Variants in PRDM16 observed in about 807,000 individuals in gnomAD.
PRDM16 encodes PR/SET domain 16, also known as histone-lysine N-methyltransferase PRDM16.
PRDM16 carries 23 observed loss-of-function variants against 110.6 expected under a neutral mutation model. The ratio of observed to expected loss-of-function variants is 0.21; its 90% confidence interval spans 0.15 to 0.29. The LOEUF is 0.29. PRDM16 is among the 10% of genes least tolerant of loss of function. PRDM16 has a pLI of 1.00. For missense variants in PRDM16, 1,615 were observed against 1,794.3 expected, an observed-to-expected ratio of 0.90 and a Z score of 1.81; for synonymous variants, 799 against 781.8, an observed-to-expected ratio of 1.02 and a Z score of -0.37.
chr1:3,386,521 A>T (rs886901880), intron 4 of PRDM16, among the ~76,000 whole-genome samples: 3 of 152,212 alleles, frequency 2.0e-5, no homozygotes, highest in Non-Finnish European at 4.4e-5. Flanking sequence ...TGGGGACATG[A>T]ATCTACGCTA....
At chr1:3,247,009 C>T (rs1207890555) in intron 3 of PRDM16, among the ~76,000 whole-genome samples, 5 of 152,066 alleles carry the variant, frequency 3.3e-5, no homozygotes, top group South Asian at 4.2e-4. Context: ...CGTAACTGTG[C>T]GCACCGCGGT....
At chr1:3,276,073 A>G (rs533801895) in intron 3 of PRDM16, among the ~76,000 whole-genome samples, 1 of 152,338 alleles carries the variant, frequency 6.6e-6, no homozygotes, top group African/African-American at 2.4e-5. Context: ...CGTGTTGACA[A>G]TTACCCACAG....
At chr1:3,254,049 TG>T (rs1441419585) in intron 3 of PRDM16, among the ~76,000 whole-genome samples, 4 of 152,220 alleles carry the variant, frequency 2.6e-5, no homozygotes, top group Admixed American at 1.3e-4. Context: ...CACTTTTTGA[TG>T]GGGTTGTTTT....
rs969829862 is a variant in PRDM16, at chr1:3,435,976, C to T, written c.*2165C>T. 8.2e-5 allele frequency: 19 copies of T among 230,888 alleles called. No individual in the cohort carries two copies. The highest frequency in any genetic ancestry group is 1.2e-4 in the East Asian group (2 of 16,318). 14.3% of individuals were successfully genotyped at this position (230,888 alleles called of 1,614,324 possible). The stretch of plus-strand genomic sequence containing the variant: ...GGGGAGCTGCCTGCAGAAGAGCCAG[C>T]TGGCGTGTCGGGAAGGATCCAGGAT... On this transcript the variant is annotated 3_prime_UTR_variant, in exon 17 of 17. Transcript: ENST00000270722.
At position 3,243,464 on chromosome 1, in the gene PRDM16, C is replaced by G. The variant is rs563508837; in HGVS notation, c.388-623C>G. Among the ~76,000 whole-genome samples, 3 of 152,240 alleles carry G rather than the reference C, an allele frequency of 2.0e-5. No individual in the cohort carries two copies. Among genetic ancestry groups the G allele is most frequent in the East Asian group, 1.9e-4 (1 of 5,172 alleles). On this transcript the variant is annotated intron_variant, in intron 2 of 16. Transcript: ENST00000270722. The surrounding 1 kb of genome is among the most constrained non-coding windows in gnomAD (Gnocchi z 5.5). ...AGCCACCCTTCCGCAGGGCGTTGGC[C>G]GACCTCTGCCCCTGCCTCTGGCCGC...
rs1235727672 is a variant in PRDM16, at chr1:3,390,858, A to G, written c.573+5572A>G. On this transcript the variant is annotated intron_variant, in intron 4 of 16. Transcript: ENST00000270722. The surrounding 1 kb of genome is among the most constrained non-coding windows in gnomAD (Gnocchi z 5.0). ...TGTTTTTTTTTTTTTTTTTTTAGAC[A>G]GAGTTTCACTCTTGTTGCCCAGGCC... is the stretch of plus-strand genomic sequence containing the variant. Among the ~76,000 whole-genome samples, 4 of 141,722 alleles carry G rather than the reference A, an allele frequency of 2.8e-5. No individual in the cohort carries two copies. The highest frequency in any genetic ancestry group is 1.1e-4 in the African/African-American group (4 of 38,042). The allele number at this position is 141,722 out of a possible 152,430, so 93.0% of individuals were successfully genotyped here. A position where few individuals can be genotyped will look rare whatever the true frequency, so the allele number is the denominator to read the frequency against.
intron 5 of PRDM16, among the ~76,000 whole-genome samples, chr1:3,401,834 G>A (rs140051604): frequency 6.6e-6 from 1 of 151,726 alleles, no homozygotes; most frequent in Non-Finnish European, 1.5e-5. Flanking sequence ...CAACACAAAG[G>A]CATCCACAAA....
chr1:3,151,734 C>T (rs1332071233), intron 1 of PRDM16, among the ~76,000 whole-genome samples: 1 of 152,192 alleles, frequency 6.6e-6, no homozygotes, highest in Non-Finnish European at 1.5e-5. Flanking sequence ...CTCAGCTTCA[C>T]GGCTGAGAAT....
At chr1:3,349,632 C>T (rs919983940) in intron 3 of PRDM16, among the ~76,000 whole-genome samples, 11 of 152,180 alleles carry the variant, frequency 7.2e-5, no homozygotes, top group Admixed American at 1.3e-4. Context: ...CGAGGCAGCC[C>T]GGCAGAGCTC....
intron 1 of PRDM16, among the ~76,000 whole-genome samples, chr1:3,141,150 A>G (rs943942648): frequency 3.3e-5 from 5 of 152,082 alleles, no homozygotes; most frequent in East Asian, 1.9e-4. Flanking sequence ...TCATTCCCCA[A>G]TTTCCAGCTC....
chr1:3,351,795 C>A, intron 3 of PRDM16, among the ~76,000 whole-genome samples: 1 of 140,380 alleles, frequency 7.1e-6, no homozygotes. Context: ...TGCTCTCTCT[C>A]ACCATAGCCC....
At position 3,414,650 on chromosome 1, in the gene PRDM16, A is replaced by G; in HGVS notation, c.2691+3A>G. 1.2e-6 allele frequency: 2 copies of G among 1,611,834 alleles called. No homozygotes were observed. Among genetic ancestry groups the G allele is most frequent in the South Asian group, 1.1e-5 (1 of 90,834 alleles). On this transcript the variant is annotated splice_donor_region_variant and intron_variant, in intron 10 of 16. Transcript: ENST00000270722. ...CCCCGCTGCTCTTCCACCCCCAGGT[A>G]CGTCCTCAGTGCAGGTCAGGGCGCC...
At chr1:3,204,863 A>G (rs1396653779) in intron 2 of PRDM16, among the ~76,000 whole-genome samples, 1 of 152,172 alleles carries the variant, frequency 6.6e-6, no homozygotes, top group Non-Finnish European at 1.5e-5. Context: ...ATAGGAGCCC[A>G]GCGGTTGGCT....
In PRDM16 at chr1:3,089,930, A is replaced by AT. The variant is rs1310259622; in HGVS notation, c.37+20635dup. 3.6e-4 allele frequency among the ~76,000 whole-genome samples: 55 copies of AT among 152,070 alleles called. 2 individuals carry two copies. In the East Asian group the frequency reaches 0.01, roughly 28 times the overall value. ...CTAAAATCCACTCATTCATTCATTC[A>AT]TCCATTCATTCCTGCCACAGTTCCA... On this transcript the variant is annotated intron_variant, in intron 1 of 16. Transcript: ENST00000270722.
chr1:3,383,414 G>A (rs1361840319), intron 3 of PRDM16, among the ~76,000 whole-genome samples: 1 of 152,186 alleles, frequency 6.6e-6, no homozygotes, highest in Non-Finnish European at 1.5e-5. Context: ...CAAGGAGACT[G>A]AGAGCAAGTG....
intron 1 of PRDM16, among the ~76,000 whole-genome samples, chr1:3,126,250 AC>A (rs1643204617): frequency 2.0e-5 from 3 of 152,108 alleles, no homozygotes; most frequent in Admixed American, 2.0e-4. Context: ...CCGCCGCCGC[AC>A]GCGGCCAGCC....
chr1:3,361,529 A>G (rs922578833), intron 3 of PRDM16, among the ~76,000 whole-genome samples: 1 of 152,260 alleles, frequency 6.6e-6, no homozygotes, highest in African/African-American at 2.4e-5. Flanking sequence ...CTGTTCCTGC[A>G]TGCCACAGTC....
rs76536301 is a variant in PRDM16 at position 3,264,998 on chromosome 1, C to G, written c.438+20861C>G. On this transcript the variant is annotated intron_variant, in intron 3 of 16. Coordinates refer to ENST00000270722, the MANE Select transcript of PRDM16 (RefSeq NM_022114.4). ...GATATCAGAGGAGGGGTCAAGCAGA[C>G]AGATGCAGATTTCTGAGCACAGAGA... Among the ~76,000 whole-genome samples the G allele has an allele frequency of 8.9e-3, 1,357 of 151,966 alleles. 22 individuals carry two copies. Among genetic ancestry groups the G allele is most frequent in the African/African-American group, 0.031 (1,287 of 41,416 alleles).
At chr1:3,095,854 C>T (rs910242467) in intron 1 of PRDM16, among the ~76,000 whole-genome samples, 7 of 152,116 alleles carry the variant, frequency 4.6e-5, no homozygotes, top group African/African-American at 1.7e-4. Context: ...CATATCACAG[C>T]TCACTGTGCG....
Sources: gnomAD v4.1 joint callset for allele counts (sites outside exome capture counted in the v4.1 genomes callset) on GRCh38, gnomAD v4.1.1 for gene constraint, Gnocchi (gnomAD v3.1) non-coding constraint, MANE v1.5 for transcripts, NCBI Gene and HGNC (gene_info 2026-07-23, HGNC 2026-07-21) for gene names.